Variants in PARM1 observed in about 807,000 individuals in gnomAD.
PARM1 encodes the protein WSC4, cell wall integrity and stress response component 4 homolog.
A neutral mutation model predicts 24.6 loss-of-function variants in PARM1; 14 were observed. That is an observed-to-expected ratio of 0.57 (90% CI 0.38 to 0.89). The LOEUF is 0.89. Ranked by LOEUF, PARM1 falls within the 40% of genes least tolerant of loss-of-function variation. The pLI is 0.00. For synonymous variants in PARM1, 179 were observed against 156.6 expected (o/e 1.14, Z -1.07); for missense variants, 362 against 380.4 (o/e 0.95, Z 0.40).
chr4:74,941,911 C>T (rs941088529), intron 1 of PARM1, among the ~76,000 whole-genome samples: 3 of 152,112 alleles, frequency 2.0e-5, no homozygotes, highest in Admixed American at 6.6e-5. Context: ...GAACCATAGC[C>T]CTGATATTTG....
At chr4:75,009,066 T>C (rs1722823008) in intron 1 of PARM1, among the ~76,000 whole-genome samples, 1 of 152,170 alleles carries the variant, frequency 6.6e-6, no homozygotes, top group Admixed American at 6.5e-5. Context: ...ATTTCAAAGA[T>C]TTCTTGATCT....
intron 1 of PARM1, among the ~76,000 whole-genome samples, chr4:74,960,515 A>G (rs548441887): frequency 5.3e-5 from 8 of 152,292 alleles, no homozygotes; most frequent in African/African-American, 1.7e-4. Context: ...TTAAAAAACA[A>G]AAGCAACAAT....
Position 75,012,476 on chromosome 4 carries a change from C to A in PARM1, c.95C>A (p.Pro32Gln). 6.2e-7 allele frequency: 1 copy of A among 1,613,846 alleles called. No homozygotes were observed. Among genetic ancestry groups the A allele is most frequent in the Non-Finnish European group, 8.5e-7 (1 of 1,179,802 alleles). The change falls in exon 2 of 4, where the codon CCG becomes CAG. Residue 32 changes from proline (P) to glutamine (Q), a missense_variant. Transcript: ENST00000307428. Reference protein sequence around the residue: ...PTSAPLSVSLPTNIVPPTTIW... With the variant: ...PTSAPLSVSLQTNIVPPTTIW... Reference sequence around the variant, plus strand: ...TCAGCTCCTTTGTCTGTTTCTCTTCCGACAAACATTGTACCACCGACCACC... The same window carrying A: ...TCAGCTCCTTTGTCTGTTTCTCTTCAGACAAACATTGTACCACCGACCACC...
In PARM1 at chr4:75,049,877, T is replaced by C. The variant is rs981750639; in HGVS notation, c.*3630T>C. 2.0e-5 allele frequency: 3 copies of C among 151,990 alleles called. No homozygotes were observed. Among genetic ancestry groups the C allele is most frequent in the African/African-American group, 7.3e-5 (3 of 41,124 alleles). The allele number at this position is 151,990 out of a possible 1,614,324, so 9.4% of individuals were successfully genotyped here. A position where few individuals can be genotyped will look rare whatever the true frequency, so the allele number is the denominator to read the frequency against. On this transcript the variant is annotated 3_prime_UTR_variant, in exon 4 of 4. Transcript: ENST00000307428. The stretch of plus-strand genomic sequence containing the variant: ...TAAGCCTTTTTTTTCTTTTTTTTTT[T>C]TTTGGCAAATGAATGTACCATTTCA...
chr4:75,039,484 A>G (rs1165405727), intron 3 of PARM1, among the ~76,000 whole-genome samples: 1 of 152,162 alleles, frequency 6.6e-6, no homozygotes, highest in Non-Finnish European at 1.5e-5. Context: ...CAGTGAGCCA[A>G]AATCGCACCA....
chr4:74,990,893 G>A (rs1240438246), intron 1 of PARM1, among the ~76,000 whole-genome samples: 2 of 152,112 alleles, frequency 1.3e-5, no homozygotes, highest in African/African-American at 2.4e-5. Context: ...ACATTTCAAA[G>A]GTGTACTGTC....
chr4:75,018,580 T>TC (rs1160368415), intron 2 of PARM1, among the ~76,000 whole-genome samples: 1 of 152,204 alleles, frequency 6.6e-6, no homozygotes, highest in Non-Finnish European at 1.5e-5. Context: ...AAGCAGTCTC[T>TC]CAGGTCCTTT....
intron 1 of PARM1, among the ~76,000 whole-genome samples, chr4:74,958,600 T>A (rs1414707182): frequency 1.3e-5 from 2 of 152,164 alleles, no homozygotes. Flanking sequence ...GGCTCGACCA[T>A]AAGACAGTAA....
At chr4:75,040,881 A>G (rs1161119416) in intron 3 of PARM1, among the ~76,000 whole-genome samples, 2 of 152,084 alleles carry the variant, frequency 1.3e-5, no homozygotes, top group African/African-American at 4.8e-5. Flanking sequence ...TCCCTCGGTT[A>G]TCCACATGGC....
rs760390554 is a variant in PARM1 at position 75,012,543 on chromosome 4, C to G, written c.162C>G (p.Ala54=). Residue 54 remains alanine (A), a synonymous_variant, in exon 2 of 4, where the codon GCC becomes GCG. Transcript: ENST00000307428. ...CACAAAACACTGATGCAGACACTGC[C>G]TCCCCATCCAACGGCACTCACAACA... ...SSPQNTDADT[A]SPSNGTHNNS... is the part of the protein sequence containing the mutation. 3.1e-6 allele frequency: 5 copies of G among 1,613,962 alleles called. No homozygotes were observed. The South Asian group carries it at 5.5e-5, about 18-fold the overall frequency.
At chr4:75,031,931 T>A (rs921870177) in intron 2 of PARM1, among the ~76,000 whole-genome samples, 7 of 152,170 alleles carry the variant, frequency 4.6e-5, no homozygotes, top group Admixed American at 3.9e-4. Context: ...GAACTTTGAA[T>A]TGTTCTAATT....
chr4:74,969,674 A>C (rs1004229233), intron 1 of PARM1: 2 of 152,212 alleles, frequency 1.3e-5, no homozygotes, highest in African/African-American at 4.8e-5. Context: ...AGAAAATAAA[A>C]GTTAAAAGAC....
At chr4:74,966,386 G>A (rs926100500) in intron 1 of PARM1, among the ~76,000 whole-genome samples, 1 of 152,176 alleles carries the variant, frequency 6.6e-6, no homozygotes, top group African/African-American at 2.4e-5. Flanking sequence ...TAGAGTGAGG[G>A]GGTGAATGGA....
rs199704472 is a variant in PARM1 at position 75,012,805 on chromosome 4, G to A, written c.424G>A (p.Ala142Thr). The change falls in exon 2 of 4, where the codon GCT (alanine) becomes ACT (threonine). Residue 142 changes from alanine to threonine, a missense_variant. Ala to Thr is a moderately conservative substitution (Grantham distance 58). Coordinates refer to ENST00000307428, the MANE Select transcript of PARM1 (RefSeq NM_015393.4). ...AGVAATLSQS[A>T]AEPPTLISPQ... ...CGTGGCAGCTACACTGTCGCAGTCC[G>A]CTGCTGAGCCTCCCACACTCATCTC... The A allele has an allele frequency of 9.4e-5, 152 of 1,613,880 alleles. 1 individual carries two copies. The African/African-American group carries it at 1.2e-3, about 13-fold the overall frequency.
intron 2 of PARM1, among the ~76,000 whole-genome samples, chr4:75,032,372 G>A (rs1392746234): frequency 6.6e-6 from 1 of 152,098 alleles, no homozygotes; most frequent in Non-Finnish European, 1.5e-5. Context: ...ATTAACAAGT[G>A]GACTGATTTG....
At chr4:74,966,271 T>A (rs918072612) in intron 1 of PARM1, among the ~76,000 whole-genome samples, 3 of 152,206 alleles carry the variant, frequency 2.0e-5, no homozygotes, top group African/African-American at 7.2e-5. Flanking sequence ...AGGAAGACTT[T>A]ATTCAGGACT....
intron 1 of PARM1, among the ~76,000 whole-genome samples, chr4:74,994,728 G>T (rs912831585): frequency 6.6e-6 from 1 of 151,940 alleles, no homozygotes; most frequent in African/African-American, 2.4e-5. Flanking sequence ...AGGAAGCAAA[G>T]GTTGCAATGA....
At chr4:74,976,088 C>G (rs1260442879) in intron 1 of PARM1, among the ~76,000 whole-genome samples, 1 of 152,150 alleles carries the variant, frequency 6.6e-6, no homozygotes, top group Non-Finnish European at 1.5e-5. Context: ...ATCAGGAGAT[C>G]CCCCTGTGAG....
intron 1 of PARM1, among the ~76,000 whole-genome samples, chr4:74,995,384 C>G (rs1304929803): frequency 6.6e-6 from 1 of 152,138 alleles, no homozygotes; most frequent in African/African-American, 2.4e-5. Context: ...ACATTTACTA[C>G]TAATTAACAT....
Sources: gnomAD v4.1 joint callset for allele counts (sites outside exome capture counted in the v4.1 genomes callset) on GRCh38, gnomAD v4.1.1 for gene constraint, MANE v1.5 for transcripts, NCBI Gene and HGNC (gene_info 2026-07-23, HGNC 2026-07-21) for gene names.